ELAVL2: variants seen among roughly 807,000 people sequenced by gnomAD.
The protein encoded by ELAVL2 is ELAV like RNA binding protein 2, also known as ELAV-like protein 2.
In ELAVL2, 4 loss-of-function variants were observed where a neutral mutation model predicts 34.6. The ratio of observed to expected loss-of-function variants is 0.12; its 90% confidence interval spans 0.06 to 0.26. The LOEUF (loss-of-function observed/expected upper bound fraction) is 0.26. ELAVL2 is among the 10% of genes least tolerant of loss of function. The probability of loss-of-function intolerance (pLI) is 1.00; values close to 1 mark genes in which losing one functional copy is unlikely to be tolerated. For missense variants in ELAVL2, 432 were observed against 442.8 expected (o/e 0.98, Z 0.22); for synonymous variants, 193 against 154.8 (o/e 1.25, Z -1.83).
intron 1 of ELAVL2, among the ~76,000 whole-genome samples, chr9:23,802,603 A>T (rs1010373227): frequency 3.3e-5 from 5 of 152,206 alleles, no homozygotes; most frequent in African/African-American, 7.2e-5. Flanking sequence ...CCATTAGGCT[A>T]ATCCAGTGGT....
chr9:23,782,491 G>GA (rs2059194001), intron 1 of ELAVL2, among the ~76,000 whole-genome samples: 7 of 152,080 alleles, frequency 4.6e-5, no homozygotes, highest in Admixed American at 4.6e-4. Flanking sequence ...AGAATCACTT[G>GA]AATCTGGGAG....
At chr9:23,799,377 C>T (rs1182462535) in intron 1 of ELAVL2, among the ~76,000 whole-genome samples, 2 of 152,108 alleles carry the variant, frequency 1.3e-5, no homozygotes, top group Non-Finnish European at 2.9e-5. Context: ...AAACCCAGGA[C>T]CTGAAAAGTG....
chr9:23,822,745 A>T (rs1423207047), intron 1 of ELAVL2, among the ~76,000 whole-genome samples: 2 of 152,244 alleles, frequency 1.3e-5, no homozygotes, highest in Non-Finnish European at 2.9e-5. Context: ...CTACATTTAA[A>T]AAATCACCTG....
Position 23,691,180 on chromosome 9 carries a change from A to G in ELAVL2, c.*1377T>C, listed in dbSNP as rs1173936047. 1 of 152,590 alleles carries G rather than the reference A, an allele frequency of 6.6e-6. No individual in the cohort carries two copies. The highest frequency in any genetic ancestry group is 1.5e-5 in the Non-Finnish European group (1 of 68,010). 9.5% of individuals were successfully genotyped at this position (152,590 alleles called of 1,614,324 possible). ...GTGATTAAGCAAGACCTCAAGTAAC[A>G]ATGTTAATGCCATTTACAAAGGAAA... On this transcript the variant is annotated 3_prime_UTR_variant, in exon 7 of 7. Coordinates refer to ENST00000397312, the MANE Select transcript of ELAVL2 (RefSeq NM_004432.5).
At chr9:23,737,975 A>G (rs76925270) in intron 2 of ELAVL2, among the ~76,000 whole-genome samples, 2 of 152,276 alleles carry the variant, frequency 1.3e-5, no homozygotes, top group African/African-American at 2.4e-5. Flanking sequence ...ACAAAGGGGG[A>G]AAATTTTTGT....
chr9:23,694,024 G>A (rs2034215816), intron 5 of ELAVL2, among the ~76,000 whole-genome samples: 1 of 152,066 alleles, frequency 6.6e-6, no homozygotes, highest in Non-Finnish European at 1.5e-5. Context: ...GAATCAAGGA[G>A]GTATAATTAC....
At chr9:23,735,855 A>C (rs2047762820) in intron 2 of ELAVL2, among the ~76,000 whole-genome samples, 1 of 152,126 alleles carries the variant, frequency 6.6e-6, no homozygotes, top group South Asian at 2.1e-4. Context: ...AGAGGACCAA[A>C]GACTACTGAG....
intron 2 of ELAVL2, among the ~76,000 whole-genome samples, chr9:23,751,761 G>T (rs566518599): frequency 1.6e-4 from 24 of 152,128 alleles, no homozygotes; most frequent in Non-Finnish European, 3.2e-4. Flanking sequence ...TAGCTCACTG[G>T]AAAGCTCACT....
chr9:23,747,208 C>A (rs186913958), intron 2 of ELAVL2, among the ~76,000 whole-genome samples: 1 of 151,702 alleles, frequency 6.6e-6, no homozygotes, highest in African/African-American at 2.4e-5. Context: ...GATTAAAGGA[C>A]AGGGAACATG....
intron 1 of ELAVL2, chr9:23,783,607 A>G (rs2059342577): frequency 1.7e-6 from 1 of 601,648 alleles, no homozygotes; most frequent in African/African-American, 2.0e-5. Flanking sequence ...CATTTGAAGG[A>G]CAGACATCTG....
chr9:23,719,992 A>AT (rs1349382721), intron 3 of ELAVL2, among the ~76,000 whole-genome samples: 2 of 151,720 alleles, frequency 1.3e-5, no homozygotes, highest in East Asian at 2.0e-4. Context: ...AACCCAGCTA[A>AT]TTTTTTGTAT....
Position 23,762,067 on chromosome 9 carries a change from C to A in ELAVL2, c.168G>T (p.Lys56Asn). Reference sequence around the variant, plus strand: ...TTTCACCAATGCTCCCAAAGAGACTCTTTAGTTCCTCCTGTGTCATGTTCT... The same window carrying A: ...TTTCACCAATGCTCCCAAAGAGACTATTTAGTTCCTCCTGTGTCATGTTCT... ...LPQNMTQEEL[K>N]SLFGSIGEIE... The change falls in exon 2 of 7, where the codon AAG becomes AAT. Residue 56 changes from lysine (K) to asparagine (N), a missense_variant. Physicochemically the swap from Lys to Asn is moderately conservative, Grantham distance 94 (BLOSUM62 0). This residue lies in a region of ELAVL2 where 132 missense variants were observed against 118.3 expected (regional missense o/e 1.12). Transcript: ENST00000397312. 1 of 1,613,396 alleles carries A rather than the reference C, an allele frequency of 6.2e-7. No individual in the cohort carries two copies. Among genetic ancestry groups the A allele is most frequent in the Non-Finnish European group, 8.5e-7 (1 of 1,179,556 alleles).
At chr9:23,814,086 C>T (rs1023336670) in intron 1 of ELAVL2, among the ~76,000 whole-genome samples, 1 of 152,024 alleles carries the variant, frequency 6.6e-6, no homozygotes, top group Non-Finnish European at 1.5e-5. Flanking sequence ...ATTACCAAAC[C>T]GTAAATCAAC....
rs779435344 is a variant in ELAVL2, at chr9:23,692,895, G to C, written c.753-11C>G. ...GTCATTGGAGAAAACCTGCTAAACA[G>C]AATAGGAAATACACACATACACACA... is the stretch of plus-strand genomic sequence containing the variant. On this transcript the variant is annotated splice_polypyrimidine_tract_variant and intron_variant, in intron 6 of 6. Transcript: ENST00000397312. 2.5e-6 allele frequency: 4 copies of C among 1,611,020 alleles called. No homozygotes were observed. Among genetic ancestry groups the C allele is most frequent in the East Asian group, 2.2e-5 (1 of 44,780 alleles).
At chr9:23,805,829 T>A (rs1356037704) in intron 1 of ELAVL2, among the ~76,000 whole-genome samples, 1 of 152,200 alleles carries the variant, frequency 6.6e-6, no homozygotes, top group Non-Finnish European at 1.5e-5. Flanking sequence ...AACACAGTCA[T>A]TTCAGTCCAA....
rs530175099 is a variant in ELAVL2, at chr9:23,775,313, G to A, written c.-15-13064C>T. On this transcript the variant is annotated intron_variant, in intron 1 of 6. Transcript: ENST00000397312. ...TCACGCTTGTAATTCCAACACTTTG[G>A]AAGGCTGGAGGACACCACTGCACTC... 2.0e-5 allele frequency among the ~76,000 whole-genome samples: 3 copies of A among 152,140 alleles called. No homozygotes were observed. In the East Asian group the frequency reaches 5.8e-4, roughly 29 times the overall value.
chr9:23,783,519 G>C, intron 1 of ELAVL2: 2 of 985,400 alleles, frequency 2.0e-6, no homozygotes, highest in Non-Finnish European at 2.4e-6. Context: ...GGAATTCTTG[G>C]AGATGGAGCT....
At chr9:23,729,550 T>C (rs1486548027) in intron 3 of ELAVL2, among the ~76,000 whole-genome samples, 14 of 152,142 alleles carry the variant, frequency 9.2e-5, no homozygotes, top group Admixed American at 9.2e-4. Context: ...AACAAACTTG[T>C]CTTACACTTT....
chr9:23,727,403 T>C (rs1253989928), intron 3 of ELAVL2, among the ~76,000 whole-genome samples: 3 of 152,084 alleles, frequency 2.0e-5, no homozygotes, highest in African/African-American at 7.2e-5. Context: ...TGCTAAACGA[T>C]CGCCCAGCAT....
Sources: allele counts gnomAD v4.1 joint callset (sites outside exome capture counted in the v4.1 genomes callset), GRCh38; gene constraint gnomAD v4.1.1; regional missense constraint gnomAD v4.1.1; transcripts MANE v1.5; gene names NCBI Gene and HGNC (gene_info 2026-07-23, HGNC 2026-07-21).